Variants in SLC24A3 observed in about 807,000 individuals in gnomAD.
SLC24A3 encodes the protein solute carrier family 24 member 3, also known as sodium/potassium/calcium exchanger 3.
Under a neutral mutation model 75.8 loss-of-function variants are expected in SLC24A3, and 28 were observed. The observed-to-expected ratio is 0.37, with a 90% confidence interval of 0.27 to 0.51. The LOEUF (loss-of-function observed/expected upper bound fraction) is 0.51. Among genes scored for constraint, SLC24A3 ranks in the 20% least tolerant of loss-of-function variants. SLC24A3 has a pLI of 0.94. For missense variants in SLC24A3, 663 were observed against 847.8 expected (o/e 0.78, Z 2.71); for synonymous variants, 372 against 334.1 (o/e 1.11, Z -1.24).
At chr20:19,484,145 T>C (rs1988096622) in intron 2 of SLC24A3, among the ~76,000 whole-genome samples, 1 of 152,206 alleles carries the variant, frequency 6.6e-6, no homozygotes, top group Non-Finnish European at 1.5e-5. Flanking sequence ...TTTTCCCAAA[T>C]ACTTAGGACC....
At chr20:19,568,005 A>G (rs1287200765) in intron 3 of SLC24A3, among the ~76,000 whole-genome samples, 1 of 152,234 alleles carries the variant, frequency 6.6e-6, no homozygotes, top group Non-Finnish European at 1.5e-5. Context: ...AAAAAATGAT[A>G]TATAAATAGC....
In SLC24A3 at chr20:19,677,537, C is replaced by G. The variant is rs568480917; in HGVS notation, c.767+3883C>G. Among the ~76,000 whole-genome samples, 164 of 152,154 alleles carry G rather than the reference C, an allele frequency of 1.1e-3. No individual in the cohort carries two copies. The Middle Eastern group carries it at 0.014, about 13-fold the overall frequency. ...ACCACCCCCAGCAACCATCAACCCA[C>G]AGTTGCCCCATCCACACCCTATTCA... On this transcript the variant is annotated intron_variant, in intron 9 of 16. Coordinates refer to ENST00000328041, the MANE Select transcript of SLC24A3 (RefSeq NM_020689.4).
At chr20:19,689,719 A>C (rs1535248) in intron 12 of SLC24A3, among the ~76,000 whole-genome samples, 129,302 of 152,146 alleles carry the variant, frequency 0.85, 55,113 homozygotes, top group Non-Finnish European at 0.88. Context: ...ACCTTTTTAA[A>C]CCCTTTATTC....
chr20:19,348,230 C>T lies in SLC24A3; in HGVS notation c.271+67143C>T, dbSNP rs141092344. Among the ~76,000 whole-genome samples, 9 of 152,306 alleles carry T rather than the reference C, an allele frequency of 5.9e-5. No individual in the cohort carries two copies. The East Asian group carries it at 1.5e-3, about 26-fold the overall frequency. On this transcript the variant is annotated intron_variant, in intron 2 of 16. Transcript: ENST00000328041. Reference sequence around the variant, plus strand: ...CAATTCTTTATGGGCTGGCAAAAGGCGTTTCACACTTCAGATAGGCCCCAG... The same window carrying T: ...CAATTCTTTATGGGCTGGCAAAAGGTGTTTCACACTTCAGATAGGCCCCAG...
At chr20:19,397,608 G>T (rs1046838882) in intron 2 of SLC24A3, among the ~76,000 whole-genome samples, 5 of 146,002 alleles carry the variant, frequency 3.4e-5, no homozygotes, top group South Asian at 2.2e-4. Flanking sequence ...TTTTCAAAAT[G>T]TGGTTATAAA....
In SLC24A3 at chr20:19,293,520, G is replaced by A. The variant is rs949389307; in HGVS notation, c.271+12433G>A. Among the ~76,000 whole-genome samples, 6 of 152,010 alleles carry A rather than the reference G, an allele frequency of 3.9e-5. No individual in the cohort carries two copies. In the South Asian group the frequency reaches 1.0e-3, roughly 26 times the overall value. The stretch of plus-strand genomic sequence containing the variant: ...AAAATACAAAAATTAGTTGGGCGTG[G>A]TGGCAGGCACCTGTAATCCCAGCTA... On this transcript the variant is annotated intron_variant, in intron 2 of 16. Transcript: ENST00000328041.
chr20:19,605,547 C>A (rs1040029941), intron 6 of SLC24A3, among the ~76,000 whole-genome samples: 1 of 152,198 alleles, frequency 6.6e-6, no homozygotes, highest in Non-Finnish European at 1.5e-5. Flanking sequence ...TTAATGTCAA[C>A]CCCACAAGCC....
At chr20:19,347,494 A>G (rs554014066) in intron 2 of SLC24A3, among the ~76,000 whole-genome samples, 2 of 152,344 alleles carry the variant, frequency 1.3e-5, no homozygotes, top group South Asian at 2.1e-4. Context: ...AACTCTGTAC[A>G]TTCTGTTCAG....
At chr20:19,348,502 C>G (rs972111253) in intron 2 of SLC24A3, among the ~76,000 whole-genome samples, 5 of 152,140 alleles carry the variant, frequency 3.3e-5, no homozygotes, top group Non-Finnish European at 5.9e-5. Context: ...GGCCTCTCCC[C>G]CTAGCCACCC....
At chr20:19,717,649 G>A in intron 16 of SLC24A3, 56 bp downstream of exon 16, 1 of 1,605,744 alleles carries the variant, frequency 6.2e-7, no homozygotes, top group Non-Finnish European at 8.5e-7. Flanking sequence ...CCTCCCCTTG[G>A]TTTCTTTGGA....
At chr20:19,351,676 G>A (rs1337702607) in intron 2 of SLC24A3, among the ~76,000 whole-genome samples, 1 of 152,088 alleles carries the variant, frequency 6.6e-6, no homozygotes, top group African/African-American at 2.4e-5. Flanking sequence ...TGGAGGTTTG[G>A]CTTTGTCAGC....
At chr20:19,606,396 A>G (rs1382405010) in intron 6 of SLC24A3, among the ~76,000 whole-genome samples, 3 of 152,170 alleles carry the variant, frequency 2.0e-5, no homozygotes, top group African/African-American at 7.2e-5. Context: ...GTTGGTATTG[A>G]TTTTATTTTT....
chr20:19,333,568 G>GGAAT (rs1308635668), intron 2 of SLC24A3, among the ~76,000 whole-genome samples: 1 of 151,966 alleles, frequency 6.6e-6, no homozygotes, highest in Non-Finnish European at 1.5e-5. Context: ...TTTTTGTGTG[G>GGAAT]GAATTTGTAT....
chr20:19,715,241 A>C (rs140783147), intron 15 of SLC24A3, among the ~76,000 whole-genome samples: 222 of 152,324 alleles, frequency 1.5e-3, no homozygotes, highest in African/African-American at 5.0e-3. Context: ...AATCTTCAGT[A>C]CAACCCATTT....
intron 1 of SLC24A3, among the ~76,000 whole-genome samples, chr20:19,234,238 G>A (rs1396078412): frequency 1.3e-5 from 2 of 152,208 alleles, no homozygotes; most frequent in Non-Finnish European, 2.9e-5. Flanking sequence ...GAGCTTGTTA[G>A]AAATGCAGAG....
chr20:19,706,069 C>G lies in SLC24A3; in HGVS notation c.1719+7389C>G, dbSNP rs116709697. ...TAGGGCTTAGAAATGTAAAATAAAT[C>G]TGAGATGCAATGGAGGGAGGGTGTC... On this transcript the variant is annotated intron_variant, in intron 15 of 16. Coordinates refer to ENST00000328041, the MANE Select transcript of SLC24A3 (RefSeq NM_020689.4). Among the ~76,000 whole-genome samples, 502 of 152,268 alleles carry G rather than the reference C, an allele frequency of 3.3e-3. 3 individuals carry two copies. The highest frequency in any genetic ancestry group is 0.012 in the African/African-American group (482 of 41,554).
chr20:19,262,003 T>G (rs527746276), intron 1 of SLC24A3: 3 of 152,348 alleles, frequency 2.0e-5, no homozygotes, highest in Admixed American at 6.5e-5. Flanking sequence ...GGACCCAGTG[T>G]TGTTTTCTCC....
At chr20:19,292,170 G>A (rs1983957407) in intron 2 of SLC24A3, among the ~76,000 whole-genome samples, 1 of 152,168 alleles carries the variant, frequency 6.6e-6, no homozygotes, top group Non-Finnish European at 1.5e-5. Flanking sequence ...TCATGAGTTG[G>A]TGGAACAAAG....
chr20:19,431,080 C>A (rs1987093317), intron 2 of SLC24A3, among the ~76,000 whole-genome samples: 1 of 151,968 alleles, frequency 6.6e-6, no homozygotes, highest in Non-Finnish European at 1.5e-5. Flanking sequence ...AGCTTTTATG[C>A]ACCCTGGGAA....
Sources: allele counts gnomAD v4.1 joint callset (sites outside exome capture counted in the v4.1 genomes callset), GRCh38; gene constraint gnomAD v4.1.1; transcripts MANE v1.5; gene names NCBI Gene and HGNC (gene_info 2026-07-23, HGNC 2026-07-21).